ALG13: variants seen among roughly 807,000 people sequenced by gnomAD.
ALG13 encodes the protein UDP-N-acetylglucosamine transferase subunit ALG13.
A neutral mutation model predicts 87.8 loss-of-function variants in ALG13; 11 were observed. That is an observed-to-expected ratio of 0.13 (90% CI 0.08 to 0.21). The LOEUF (loss-of-function observed/expected upper bound fraction) is 0.21, where lower values mean the gene tolerates loss of function less well. ALG13 is among the 10% of genes least tolerant of loss of function. ALG13 has a pLI of 1.00. For missense variants in ALG13, 756 were observed against 866.1 expected (o/e 0.87, Z 1.60); for synonymous variants, 320 against 306.3 (o/e 1.04, Z -0.47).
intron 24 of ALG13, among the ~76,000 whole-genome samples, chrX:111,746,837 A>T (rs1446218082): frequency 1.8e-5 from 2 of 111,590 alleles, no homozygotes; most frequent in Non-Finnish European, 3.8e-5. Flanking sequence ...TTGCTCACCA[A>T]CGTTTATTGT....
At chrX:111,749,975 A>T (rs1944571049) in intron 24 of ALG13, among the ~76,000 whole-genome samples, 1 of 111,464 alleles carries the variant, frequency 9.0e-6, no homozygotes, top group Admixed American at 9.6e-5. Context: ...GTCTGTTCCT[A>T]GCTCAGAACT....
intron 3 of ALG13, among the ~76,000 whole-genome samples, chrX:111,687,046 C>T (rs1935139158): frequency 9.0e-6 from 1 of 111,375 alleles, no homozygotes; most frequent in African/African-American, 3.3e-5. Context: ...CAACCTCCAC[C>T]TCCCAGGTTC....
chrX:111,710,280 G>A (rs907648254), intron 5 of ALG13, among the ~76,000 whole-genome samples: 1 of 111,066 alleles, frequency 9.0e-6, no homozygotes, highest in African/African-American at 3.3e-5. Flanking sequence ...TGATCTGCCC[G>A]CCTTGGCCTC....
chrX:111,748,053 G>A (rs930299545), intron 24 of ALG13, among the ~76,000 whole-genome samples: 1 of 112,044 alleles, frequency 8.9e-6, no homozygotes, highest in Admixed American at 9.5e-5. Flanking sequence ...GAAATCCGAC[G>A]TAGAGCATCT....
At chrX:111,715,684 C>T (rs891887463) in intron 8 of ALG13, among the ~76,000 whole-genome samples, 1 of 112,445 alleles carries the variant, frequency 8.9e-6, no homozygotes, top group Non-Finnish European at 1.9e-5. Flanking sequence ...CGCCGCTGCA[C>T]TCCAGCCTGG....
chrX:111,715,177 T>C (rs891939906), intron 8 of ALG13, among the ~76,000 whole-genome samples: 3 of 111,812 alleles, frequency 2.7e-5, no homozygotes, highest in African/African-American at 9.8e-5. Flanking sequence ...ATACAAAAAT[T>C]TCAGACCTTT....
intron 10 of ALG13, among the ~76,000 whole-genome samples, chrX:111,719,034 T>G (rs1193714035): frequency 3.9e-5 from 4 of 101,555 alleles, no homozygotes; most frequent in Non-Finnish European, 8.0e-5. Flanking sequence ...TCTTTTTTTT[T>G]TTTTTTTTTT....
chrX:111,686,479 A>T (rs1323454577), intron 3 of ALG13, among the ~76,000 whole-genome samples: 1 of 111,581 alleles, frequency 9.0e-6, no homozygotes, highest in African/African-American at 3.3e-5. Context: ...GAACAAAACA[A>T]AGACTCCTGT....
intron 3 of ALG13, chrX:111,686,152 C>G: frequency 8.9e-7 from 1 of 1,121,668 alleles, no homozygotes; most frequent in Non-Finnish European, 1.2e-6. Context: ...CCTTGAGACA[C>G]TAGAAGCTTG....
chrX:111,693,125 C>A (rs866699453), intron 3 of ALG13, among the ~76,000 whole-genome samples: 1 of 108,804 alleles, frequency 9.2e-6, no homozygotes, highest in Non-Finnish European at 1.9e-5. Context: ...ATGGCTAATT[C>A]CCTACGTGAA....
intron 19 of ALG13, among the ~76,000 whole-genome samples, chrX:111,728,998 G>A (rs960589502): frequency 2.7e-5 from 3 of 111,255 alleles, no homozygotes; most frequent in Non-Finnish European, 3.8e-5. Context: ...ACAATTCAAT[G>A]GTTTTTTATT....
chrX:111,757,515 TG>T, intron 25 of ALG13, 72 bp from the exon 26 acceptor site: 1 of 677,583 alleles, frequency 1.5e-6, no homozygotes, highest in Non-Finnish European at 2.0e-6. Context: ...TTTTTGTCTG[TG>T]GGGAACTGTA....
chrX:111,694,552 A>G (rs1936688297), intron 3 of ALG13, among the ~76,000 whole-genome samples: 1 of 112,246 alleles, frequency 8.9e-6, no homozygotes, highest in South Asian at 3.6e-4. Flanking sequence ...AGAATATCCT[A>G]TAATAGACTG....
chrX:111,710,062 C>G (rs2037972654), intron 5 of ALG13, among the ~76,000 whole-genome samples: 1 of 107,870 alleles, frequency 9.3e-6, no homozygotes, highest in Admixed American at 1.0e-4. Flanking sequence ...ACAGGGTCTT[C>G]TCTGTTGCCC....
At chrX:111,685,640 T>C (rs1274678609) in intron 3 of ALG13, among the ~76,000 whole-genome samples, 1 of 112,391 alleles carries the variant, frequency 8.9e-6, no homozygotes, top group Non-Finnish European at 1.9e-5. Context: ...AAATTGATAA[T>C]AAGTTCACAA....
intron 5 of ALG13, among the ~76,000 whole-genome samples, chrX:111,710,027 C>CT (rs368461015): frequency 6.0e-4 from 61 of 102,024 alleles, no homozygotes; most frequent in East Asian, 1.5e-3. Context: ...CCCGAGATTT[C>CT]TTTTTTTTTT....
chrX:111,722,988 T>G (rs1484037565), intron 13 of ALG13, 131 bp downstream of exon 13: 1 of 458,713 alleles, frequency 2.2e-6, no homozygotes, highest in Non-Finnish European at 3.6e-6. Context: ...AGGGTCTAGC[T>G]CTGTTGCCTA....
At chrX:111,685,381 G>T (rs1255907256) in intron 3 of ALG13, 1 of 191,230 alleles carries the variant, frequency 5.2e-6, no homozygotes, top group African/African-American at 3.0e-5. Context: ...ATGTCTCCAA[G>T]ACACTAATTT....
intron 8 of ALG13, among the ~76,000 whole-genome samples, chrX:111,714,943 G>A (rs745741266): frequency 1.2e-4 from 13 of 111,664 alleles, no homozygotes; most frequent in African/African-American, 4.2e-4. Context: ...ATGAAATTTG[G>A]ATCTTTACCA....
Sources: gnomAD v4.1 joint callset for allele counts (sites outside exome capture counted in the v4.1 genomes callset) on GRCh38, gnomAD v4.1.1 for gene constraint, MANE v1.5 for transcripts, NCBI Gene and HGNC (gene_info 2026-07-23, HGNC 2026-07-21) for gene names.